SERPINB10: variants seen among roughly 807,000 people sequenced by gnomAD.
SERPINB10 encodes the protein serpin B10.
Under a neutral mutation model 39.1 loss-of-function variants are expected in SERPINB10, and 35 were observed. The observed-to-expected ratio is 0.90, with a 90% CI of 0.68 to 1.19. The LOEUF is 1.19. Ranked by LOEUF, SERPINB10 falls within the 50% of genes most tolerant of loss-of-function variation. The probability of loss-of-function intolerance (pLI) is 0.00; values close to 1 mark genes in which losing one functional copy is unlikely to be tolerated. For missense variants in SERPINB10, 546 were observed against 460.5 expected (o/e 1.19, Z -1.70); for synonymous variants, 190 against 158.1 (o/e 1.20, Z -1.52).
chr18:63,922,299 C>T (rs1207943886), intron 5 of SERPINB10, among the ~76,000 whole-genome samples: 1 of 152,096 alleles, frequency 6.6e-6, no homozygotes, highest in East Asian at 1.9e-4. Context: ...GATTTGCATT[C>T]ATCTGAAAAT....
rs2050259733 is a variant in SERPINB10 at position 63,935,829 on chromosome 18, C to G, written c.*587C>G. 1 of 152,102 alleles carries G rather than the reference C, an allele frequency of 6.6e-6. No homozygotes were observed. The highest frequency in any genetic ancestry group is 1.5e-5 in the Non-Finnish European group (1 of 68,012). 9.4% of individuals were successfully genotyped at this position (152,102 alleles called of 1,614,324 possible). A position where few individuals can be genotyped will look rare whatever the true frequency, so the allele number is the denominator to read the frequency against. ...TGTCTCAAAAAAATCATTTTGGTGG[C>G]TCATAAATTATGATTGTAAAACTAA... On this transcript the variant is annotated 3_prime_UTR_variant, in exon 8 of 8. Transcript: ENST00000238508.
In SERPINB10 at chr18:63,923,881, A is replaced by G. The variant is rs2050163010; in HGVS notation, c.490+3976A>G. On this transcript the variant is annotated intron_variant, in intron 5 of 7. Coordinates refer to ENST00000238508, the MANE Select transcript of SERPINB10 (RefSeq NM_005024.3). The stretch of plus-strand genomic sequence containing the variant: ...TCATGATTTTGCTCCAGCCGTGTTC[A>G]TTCAACTATTCAATCTATTCAAGAG... Among the ~76,000 whole-genome samples, 4 of 151,868 alleles carry G rather than the reference A, an allele frequency of 2.6e-5. No homozygotes were observed. The South Asian group carries it at 8.3e-4, about 31-fold the overall frequency.
intron 7 of SERPINB10, among the ~76,000 whole-genome samples, 191 bp from the exon 8 acceptor site, chr18:63,934,647 A>C (rs983448975): frequency 6.6e-6 from 1 of 152,236 alleles, no homozygotes. Flanking sequence ...ATAGCAATTA[A>C]TCTGCAGAAA....
chr18:63,908,329 T>C (rs548589700), intron 1 of SERPINB10, among the ~76,000 whole-genome samples: 2 of 152,078 alleles, frequency 1.3e-5, no homozygotes, highest in Non-Finnish European at 2.9e-5. Context: ...CTTGTTTTAC[T>C]GGGAATTGTG....
At chr18:63,925,205 CT>C (rs1033786841) in intron 5 of SERPINB10, among the ~76,000 whole-genome samples, 3 of 151,940 alleles carry the variant, frequency 2.0e-5, no homozygotes, top group African/African-American at 7.2e-5. Context: ...ACCTTCTAGT[CT>C]TCAATATATA....
intron 4 of SERPINB10, among the ~76,000 whole-genome samples, chr18:63,919,527 G>T (rs1182586728): frequency 6.6e-6 from 1 of 151,858 alleles, no homozygotes; most frequent in Non-Finnish European, 1.5e-5. Flanking sequence ...AAAGGAAGAG[G>T]ATGTGGAAGC....
intron 7 of SERPINB10, 121 bp downstream of exon 7, chr18:63,933,324 C>T: frequency 8.9e-7 from 1 of 1,124,864 alleles, no homozygotes; most frequent in Admixed American, 2.2e-5. Flanking sequence ...TATTTAATTC[C>T]TATAGAGAAA....
chr18:63,916,303 C>T (rs1028212987), intron 2 of SERPINB10, among the ~76,000 whole-genome samples: 1 of 147,042 alleles, frequency 6.8e-6, no homozygotes, highest in Non-Finnish European at 1.5e-5. Context: ...TATATGAATA[C>T]ATATATATAT....
intron 6 of SERPINB10, among the ~76,000 whole-genome samples, chr18:63,932,150 T>C (rs746016507): frequency 4.2e-4 from 64 of 152,354 alleles, no homozygotes; most frequent in South Asian, 1.4e-3. Context: ...TCCATTCACC[T>C]ATTGAAGCAC....
chr18:63,908,420 C>T (rs568788868), intron 1 of SERPINB10, among the ~76,000 whole-genome samples: 4 of 151,984 alleles, frequency 2.6e-5, no homozygotes, highest in Admixed American at 1.3e-4. Flanking sequence ...TCTCTCAGGA[C>T]GGTTGAGCCA....
chr18:63,920,344 C>T (rs528419467), intron 5 of SERPINB10, among the ~76,000 whole-genome samples: 2 of 152,122 alleles, frequency 1.3e-5, no homozygotes, highest in Admixed American at 6.5e-5. Flanking sequence ...TTAAACTACT[C>T]TAAAGAAGAG....
chr18:63,934,913 C>T lies in SERPINB10; in HGVS notation c.865C>T (p.Leu289=). Residue 289 remains leucine (L), a synonymous_variant, in exon 8 of 8, where the codon CTA becomes TTA. Coordinates refer to ENST00000238508, the MANE Select transcript of SERPINB10 (RefSeq NM_005024.3). The part of the protein sequence containing the change: ...ADMMELYEVQ[L]HLPKFKLEDS... Reference sequence around the variant, plus strand: ...CATGATGGAGTTGTATGAAGTGCAGCTACACCTTCCCAAGTTCAAGCTGGA... The same window carrying T: ...CATGATGGAGTTGTATGAAGTGCAGTTACACCTTCCCAAGTTCAAGCTGGA... 1.2e-6 allele frequency: 2 copies of T among 1,614,200 alleles called. No homozygotes were observed. Among genetic ancestry groups the T allele is most frequent in the African/African-American group, 1.3e-5 (1 of 75,060 alleles).
In SERPINB10 at chr18:63,918,093, A is replaced by C. The variant is rs1344912931; in HGVS notation, c.363A>C (p.Ala121=). The change falls in exon 4 of 8, where the codon GCA becomes GCC. Residue 121 remains alanine, a synonymous_variant. Transcript: ENST00000238508. ...ANAIYGEKTY[A]FHNKYLEDMK... ...CGATATATGGAGAGAAAACGTATGCATTTCACAATGTAAGTGCAAATGTCT... is the reference window on the plus strand; with the variant it reads ...CGATATATGGAGAGAAAACGTATGCCTTTCACAATGTAAGTGCAAATGTCT... 1.2e-6 allele frequency: 2 copies of C among 1,612,044 alleles called. No individual in the cohort carries two copies. Among genetic ancestry groups the C allele is most frequent in the Non-Finnish European group, 1.7e-6 (2 of 1,178,906 alleles).
At chr18:63,933,344 T>C (rs2050238165) in intron 7 of SERPINB10, 141 bp downstream of exon 7, 3 of 878,212 alleles carry the variant, frequency 3.4e-6, no homozygotes, top group African/African-American at 1.7e-5. Context: ...AGGTCACCAA[T>C]GTACCTTGAG....
chr18:63,931,288 T>C (rs1372320390), intron 6 of SERPINB10, among the ~76,000 whole-genome samples: 1 of 152,170 alleles, frequency 6.6e-6, no homozygotes, highest in Non-Finnish European at 1.5e-5. Context: ...TCTCTAATAA[T>C]GATCAGGGAA....
In SERPINB10 at chr18:63,930,048, A is replaced by C; in HGVS notation, c.494A>C (p.Lys165Thr). 6.2e-7 allele frequency: 1 copy of C among 1,613,148 alleles called. No homozygotes were observed. The highest frequency in any genetic ancestry group is 8.5e-7 in the Non-Finnish European group (1 of 1,179,508). The change falls in exon 6 of 8, where the codon AAA becomes ACA. Residue 165 changes from lysine to threonine, a missense_variant. By Grantham distance (78) the Lys-to-Thr change is moderately conservative (BLOSUM62 -1). Coordinates refer to ENST00000238508, the MANE Select transcript of SERPINB10 (RefSeq NM_005024.3). Reference protein sequence around the residue: ...NSWVERQTEGKIQNLLPDDSV... With the variant: ...NSWVERQTEGTIQNLLPDDSV... ...AACCTGCCTTTTGTTCTTACAGGTA[A>C]AATCCAGAATCTCCTGCCTGATGAC... is the stretch of plus-strand genomic sequence containing the variant.
Position 63,917,673 on chromosome 18 carries a change from T to C in SERPINB10, c.234+152T>C. The C allele has an allele frequency of 3.5e-6, 2 of 571,392 alleles. 1 individual carries two copies. The highest frequency in any genetic ancestry group is 5.9e-5 in the East Asian group (2 of 34,030). The allele number at this position is 571,392 out of a possible 1,614,324, so 35.4% of individuals were successfully genotyped here. A position where few individuals can be genotyped will look rare whatever the true frequency, so the allele number is the denominator to read the frequency against. On this transcript the variant is annotated intron_variant, in intron 3 of 7. Coordinates refer to ENST00000238508, the MANE Select transcript of SERPINB10 (RefSeq NM_005024.3). ...GAAACTTTTTTTGGAATACAAAATATCTACACCTTTTGAAAGATCTCTTGT... is the reference window on the plus strand; with the variant it reads ...GAAACTTTTTTTGGAATACAAAATACCTACACCTTTTGAAAGATCTCTTGT...
chr18:63,909,631 G>C (rs1208353146), intron 1 of SERPINB10, among the ~76,000 whole-genome samples: 3 of 151,910 alleles, frequency 2.0e-5, no homozygotes, highest in Admixed American at 6.6e-5. Flanking sequence ...ATAAACACTG[G>C]AATAACCATA....
chr18:63,929,335 C>T (rs2050202918), intron 5 of SERPINB10, among the ~76,000 whole-genome samples: 1 of 151,822 alleles, frequency 6.6e-6, no homozygotes. Flanking sequence ...CCACCATTTC[C>T]CCCTCTGAAT....
Sources: gnomAD v4.1 joint callset for allele counts (sites outside exome capture counted in the v4.1 genomes callset) on GRCh38, gnomAD v4.1.1 for gene constraint, MANE v1.5 for transcripts, NCBI Gene and HGNC (gene_info 2026-07-23, HGNC 2026-07-21) for gene names.